BARHL2: variants seen among roughly 807,000 people sequenced by gnomAD.
BARHL2 encodes the protein barH-like 2 homeobox protein.
Under a neutral mutation model 27.1 loss-of-function variants are expected in BARHL2, and 10 were observed. That is an observed-to-expected ratio of 0.37 (90% confidence interval 0.23 to 0.63). BARHL2 has a LOEUF of 0.63. Among genes scored for constraint, BARHL2 ranks in the 20% least tolerant of loss-of-function variants. BARHL2 has a pLI of 0.65. For missense variants in BARHL2, 483 were observed against 533.5 expected, an observed-to-expected ratio of 0.91 and a Z score of 0.93; for synonymous variants, 248 against 224.7, an observed-to-expected ratio of 1.10 and a Z score of -0.93.
At chr1:90,712,965 G>C (rs919134131) in intron 2 of BARHL2, among the ~76,000 whole-genome samples, 1 of 152,096 alleles carries the variant, frequency 6.6e-6, no homozygotes, top group African/African-American at 2.4e-5. Context: ...AGGGCCAAAG[G>C]AGACTTCCAC....
intron 2 of BARHL2, among the ~76,000 whole-genome samples, chr1:90,713,046 G>A (rs1288620116): frequency 4.6e-5 from 7 of 152,054 alleles, no homozygotes; most frequent in Non-Finnish European, 1.0e-4. Context: ...CAAAGAGTCT[G>A]CTCTCAGCCC....
chr1:90,712,859 T>C (rs1387148735), intron 2 of BARHL2, among the ~76,000 whole-genome samples: 1 of 152,112 alleles, frequency 6.6e-6, no homozygotes, highest in Non-Finnish European at 1.5e-5. Context: ...GCTGAGACCC[T>C]CACAAATGAA....
intron 1 of BARHL2, among the ~76,000 whole-genome samples, chr1:90,716,353 G>A (rs1330464936): frequency 6.6e-6 from 1 of 152,196 alleles, no homozygotes; most frequent in African/African-American, 2.4e-5. Context: ...GAGCTGGATG[G>A]CCGTGAAGGT....
At chr1:90,713,618 C>T (rs1195600511) in intron 2 of BARHL2, among the ~76,000 whole-genome samples, 3 of 152,164 alleles carry the variant, frequency 2.0e-5, no homozygotes, top group Non-Finnish European at 2.9e-5. Flanking sequence ...AGTGGATGGG[C>T]ATTTCCAACC....
Position 90,716,993 on chromosome 1 carries a change from A to T in BARHL2, c.203T>A (p.Val68Asp). The change falls in exon 1 of 3, where the codon GTC becomes GAC. Residue 68 changes from valine (V) to aspartate (D), a missense_variant. Around this residue, in one of 3 missense-constraint regions of BARHL2, gnomAD observed 304 missense variants for 284.9 expected, o/e 1.07. Transcript: ENST00000370445. ...ATGCGGCTCCGGGGGCTCCATGGTG[A>T]CTGAGATAGGAGAAGAAGGCGCCGT... ...VGTAPSSPIS[V>D]TMEPPEPHLV... 6.2e-7 allele frequency: 1 copy of T among 1,613,682 alleles called. No homozygotes were observed. Among genetic ancestry groups the T allele is most frequent in the Non-Finnish European group, 8.5e-7 (1 of 1,179,850 alleles).
chr1:90,713,309 T>G (rs1456895829), intron 2 of BARHL2, among the ~76,000 whole-genome samples: 1 of 152,178 alleles, frequency 6.6e-6, no homozygotes, highest in Non-Finnish European at 1.5e-5. Context: ...TGGGGGTGAA[T>G]GCATTTCAAG....
At chr1:90,712,949 T>C (rs1426826877) in intron 2 of BARHL2, among the ~76,000 whole-genome samples, 1 of 152,150 alleles carries the variant, frequency 6.6e-6, no homozygotes, top group Non-Finnish European at 1.5e-5. Flanking sequence ...TCTGGAAACT[T>C]TCCTTAGGGC....
chr1:90,716,868 G>C lies in BARHL2; in HGVS notation c.328C>G (p.Gln110Glu), dbSNP rs1211883836. Residue 110 changes from glutamine (Q) to glutamate (E), a missense_variant, in exon 1 of 3, where the codon CAA becomes GAA. Physicochemically the swap from Gln to Glu is conservative, Grantham distance 29. Transcript: ENST00000370445. ...APTQSLQPLP[Q>E]QQQPLPPQQP... The stretch of plus-strand genomic sequence containing the variant: ...TGTGGCGGCAGCGGCTGCTGCTGTT[G>C]GGGCAAAGGCTGCAAACTTTGCGTC... The C allele has an allele frequency of 2.5e-6, 4 of 1,568,926 alleles. No individual in the cohort carries two copies. The highest frequency in any genetic ancestry group is 3.5e-6 in the Non-Finnish European group (4 of 1,158,110).
At chr1:90,714,489 A>C in intron 2 of BARHL2, 42 bp downstream of exon 2, 2 of 1,562,678 alleles carry the variant, frequency 1.3e-6, no homozygotes, top group Middle Eastern at 1.7e-4. Flanking sequence ...ATCATGACTT[A>C]AATGGCCAGA....
At position 90,712,066 on chromosome 1, in the gene BARHL2, A is replaced by G. The variant is rs926757939; in HGVS notation, c.*246T>C. Reference sequence around the variant, plus strand: ...CACTCTGTGTGGGGTCAGCATTTTCACCAGTCACACTGCTGTGGGGGAGAT... The same window carrying G: ...CACTCTGTGTGGGGTCAGCATTTTCGCCAGTCACACTGCTGTGGGGGAGAT... On this transcript the variant is annotated 3_prime_UTR_variant, in exon 3 of 3. Transcript: ENST00000370445. 10 of 391,474 alleles carry G rather than the reference A, an allele frequency of 2.6e-5. No homozygotes were observed. The highest frequency in any genetic ancestry group is 2.1e-4 in the African/African-American group (10 of 48,464). The allele number at this position is 391,474 out of a possible 1,614,324, so 24.3% of individuals were successfully genotyped here. A position where few individuals can be genotyped will look rare whatever the true frequency, so the allele number is the denominator to read the frequency against.
chr1:90,714,403 C>T (rs934715396), intron 2 of BARHL2, 128 bp downstream of exon 2: 3 of 889,464 alleles, frequency 3.4e-6, no homozygotes, highest in Admixed American at 4.3e-5. Flanking sequence ...CCTTAAAGCA[C>T]CCAAGTGCCC....
In BARHL2 at chr1:90,716,554, C is replaced by A; in HGVS notation, c.625+17G>T. Reference sequence around the variant, plus strand: ...GGACAAGCTAGACGGCCGAGAGCGCCGGGTGGCGGGACTCACCGTGGCATT... The same window carrying A: ...GGACAAGCTAGACGGCCGAGAGCGCAGGGTGGCGGGACTCACCGTGGCATT... On this transcript the variant is annotated intron_variant, in intron 1 of 2. Transcript: ENST00000370445. 6.2e-7 allele frequency: 1 copy of A among 1,613,084 alleles called. No individual in the cohort carries two copies. The highest frequency in any genetic ancestry group is 8.5e-7 in the Non-Finnish European group (1 of 1,179,416).
chr1:90,713,853 T>TC lies in BARHL2; in HGVS notation c.851+677dup, dbSNP rs767533826. Among the ~76,000 whole-genome samples, 17 of 152,318 alleles carry TC rather than the reference T, an allele frequency of 1.1e-4. No individual in the cohort carries two copies. In the East Asian group the frequency reaches 3.1e-3, roughly 28 times the overall value. On this transcript the variant is annotated intron_variant, in intron 2 of 2. Transcript: ENST00000370445. ...CAGGCAGGCTCTGCAGCACTCTAGC[T>TC]CCATGTTGAGACAGCAGAGGCAGCC...
chr1:90,716,618 G>A lies in BARHL2; in HGVS notation c.578C>T (p.Thr193Ile), dbSNP rs1658149274. 6.2e-7 allele frequency: 1 copy of A among 1,614,212 alleles called. No individual in the cohort carries two copies. The highest frequency in any genetic ancestry group is 8.5e-7 in the Non-Finnish European group (1 of 1,180,044). The change falls in exon 1 of 3, where the codon ACC (threonine) becomes ATC (isoleucine). Residue 193 changes from threonine (T) to isoleucine (I), a missense_variant. Physicochemically the swap from Thr to Ile is moderately conservative, Grantham distance 89. Coordinates refer to ENST00000370445, the MANE Select transcript of BARHL2 (RefSeq NM_020063.2). ...RPKLEQEDSK[T>I]KLDKREDSQS... ...GGAATCCTCCCGCTTGTCGAGTTTG[G>A]TCTTGCTGTCCTCCTGCTCGAGCTT...
rs1658100919 is a variant in BARHL2, at chr1:90,714,399, A to G, written c.851+132T>C. 3 of 846,030 alleles carry G rather than the reference A, an allele frequency of 3.5e-6. No homozygotes were observed. In the Admixed American group the frequency reaches 6.8e-5, roughly 19 times the overall value. The allele number at this position is 846,030 out of a possible 1,614,324, so 52.4% of individuals were successfully genotyped here. ...TGGCTCATCCCTGCCCCATCCTTAA[A>G]GCACCCAAGTGCCCACTCCAGGGTC... On this transcript the variant is annotated intron_variant, in intron 2 of 2. Coordinates refer to ENST00000370445, the MANE Select transcript of BARHL2 (RefSeq NM_020063.2).
Position 90,712,445 on chromosome 1 carries a change from G to A in BARHL2, c.1031C>T (p.Thr344Ile), listed in dbSNP as rs1237625126. 3.1e-6 allele frequency: 5 copies of A among 1,612,844 alleles called. No homozygotes were observed. The Admixed American group carries it at 5.0e-5, about 16-fold the overall frequency. The change falls in exon 3 of 3, where the codon ACT (threonine) becomes ATT (isoleucine). Residue 344 changes from threonine (T) to isoleucine (I), a missense_variant. By Grantham distance (89) the Thr-to-Ile change is moderately conservative. This residue lies in a region of BARHL2 where 130 missense variants were observed against 138.0 expected (regional missense o/e 0.94). Coordinates refer to ENST00000370445, the MANE Select transcript of BARHL2 (RefSeq NM_020063.2). Reference sequence around the variant, plus strand: ...CAGCTGGGGATGGGGTGCTGGAGGAGTCCGGTACATGCTGCTGTACATGGC... The same window carrying A: ...CAGCTGGGGATGGGGTGCTGGAGGAATCCGGTACATGCTGCTGTACATGGC... ...AAAMYSSMYR[T>I]PPAPHPQLQR... is the part of the protein sequence containing the mutation.
intron 2 of BARHL2, among the ~76,000 whole-genome samples, chr1:90,713,726 T>G (rs1407576349): frequency 6.6e-6 from 1 of 152,092 alleles, no homozygotes; most frequent in African/African-American, 2.4e-5. Flanking sequence ...CAGCAAAACC[T>G]CTGCCTCAGA....
chr1:90,717,231 A>C lies in BARHL2; in HGVS notation c.-36T>G. 6.3e-7 allele frequency: 1 copy of C among 1,588,762 alleles called. No individual in the cohort carries two copies. Among genetic ancestry groups the C allele is most frequent in the Non-Finnish European group, 8.5e-7 (1 of 1,172,124 alleles). On this transcript the variant is annotated 5_prime_UTR_variant, in exon 1 of 3. Transcript: ENST00000370445. ...GGTCCACGCCACTCCGCCGTTCAGC[A>C]GCCGCCCCGAACCAGCGAAGAAAGC...
chr1:90,712,408 C>A lies in BARHL2; in HGVS notation c.1068G>T (p.Leu356=), dbSNP rs754274125. ...PAPHPQLQRP[L]VPRVLIHGLG... ...GGCCGTGGATGAGCACACGGGGCAC[C>A]AGGGGCCGCTGCAGCTGGGGATGGG... is the stretch of plus-strand genomic sequence containing the variant. Residue 356 remains leucine, a synonymous_variant, in exon 3 of 3, where the codon CTG becomes CTT. Transcript: ENST00000370445. 12 of 1,603,750 alleles carry A rather than the reference C, an allele frequency of 7.5e-6. No homozygotes were observed. In the East Asian group the frequency reaches 2.7e-4, roughly 36 times the overall value.
Sources: gnomAD v4.1 joint callset for allele counts (sites outside exome capture counted in the v4.1 genomes callset) on GRCh38, gnomAD v4.1.1 for gene constraint, gnomAD v4.1.1 regional missense constraint, MANE v1.5 for transcripts, NCBI Gene and HGNC (gene_info 2026-07-23, HGNC 2026-07-21) for gene names.